The following NUDT7 variants were observed in gnomAD, a reference collection of about 807,000 sequenced individuals.
NUDT7 encodes peroxisomal coenzyme A diphosphatase NUDT7.
A neutral mutation model predicts 13.1 loss-of-function variants in NUDT7; 19 were observed. The observed-to-expected ratio is 1.45, with a 90% CI of 1.01 to 2.13. The LOEUF (loss-of-function observed/expected upper bound fraction) is 2.13, where lower values mean the gene tolerates loss of function less well. NUDT7 is among the 30% of genes most tolerant of loss of function. The pLI is 0.00. For missense variants in NUDT7, 360 were observed against 291.7 expected (o/e 1.23, Z -1.71); for synonymous variants, 132 against 109.7 (o/e 1.20, Z -1.27).
chr16:77,724,208 G>T (rs754923706), intron 1 of NUDT7, among the ~76,000 whole-genome samples: 4 of 152,002 alleles, frequency 2.6e-5, no homozygotes, highest in Non-Finnish European at 4.4e-5. Flanking sequence ...AACCTCTGCC[G>T]CCATCTTCAC....
intron 2 of NUDT7, 170 bp downstream of exon 2, chr16:77,725,754 A>T: frequency 1.6e-6 from 1 of 608,704 alleles, no homozygotes; most frequent in Non-Finnish European, 2.8e-6. Context: ...TTTCTTGGAG[A>T]AGGTTTAACA....
At chr16:77,738,374 C>G (rs1025498617) in intron 3 of NUDT7, among the ~76,000 whole-genome samples, 3 of 152,084 alleles carry the variant, frequency 2.0e-5, no homozygotes, top group African/African-American at 7.2e-5. Context: ...TCTAAAATGG[C>G]GTGATTGAGA....
At chr16:77,738,825 G>A (rs1301113259) in intron 3 of NUDT7, among the ~76,000 whole-genome samples, 1 of 152,172 alleles carries the variant, frequency 6.6e-6, no homozygotes, top group Non-Finnish European at 1.5e-5. Context: ...ACTACTTTTT[G>A]CAAAGGTCTC....
intron 2 of NUDT7, among the ~76,000 whole-genome samples, chr16:77,733,202 C>T (rs1159741937): frequency 6.6e-6 from 1 of 152,314 alleles, no homozygotes; most frequent in Non-Finnish European, 1.5e-5. Flanking sequence ...TCATAGTCCT[C>T]TCAAGCTGCT....
intron 2 of NUDT7, among the ~76,000 whole-genome samples, chr16:77,734,298 C>A (rs937357350): frequency 6.6e-6 from 1 of 152,118 alleles, no homozygotes; most frequent in Non-Finnish European, 1.5e-5. Context: ...GCCTAAGTTC[C>A]TTTGTCTGAA....
chr16:77,735,081 A>G (rs1183742558), intron 2 of NUDT7, among the ~76,000 whole-genome samples: 1 of 152,198 alleles, frequency 6.6e-6, no homozygotes, highest in African/African-American at 2.4e-5. Flanking sequence ...CCCAGAACAT[A>G]ATAAGCAGCC....
intron 3 of NUDT7, among the ~76,000 whole-genome samples, chr16:77,740,770 A>C (rs2014633255): frequency 1.3e-5 from 2 of 148,760 alleles, no homozygotes; most frequent in Non-Finnish European, 1.5e-5. Flanking sequence ...CTGGTCTCAA[A>C]CTCCTGACCT....
intron 2 of NUDT7, among the ~76,000 whole-genome samples, chr16:77,729,532 T>G (rs1053600495): frequency 3.9e-5 from 6 of 152,108 alleles, no homozygotes; most frequent in Non-Finnish European, 8.8e-5. Context: ...CATATTTTCT[T>G]TAAAAAAAAA....
At chr16:77,729,204 T>G (rs1424158869) in intron 2 of NUDT7, among the ~76,000 whole-genome samples, 1 of 152,222 alleles carries the variant, frequency 6.6e-6, no homozygotes, top group Non-Finnish European at 1.5e-5. Context: ...CCTGTTTTCT[T>G]CAAAACAGCG....
chr16:77,738,024 G>C (rs1433035183), intron 3 of NUDT7, among the ~76,000 whole-genome samples: 1 of 152,036 alleles, frequency 6.6e-6, no homozygotes, highest in East Asian at 1.9e-4. Flanking sequence ...AAAAGCTAGT[G>C]GCCACTCAAT....
intron 2 of NUDT7, among the ~76,000 whole-genome samples, chr16:77,734,352 G>A (rs759883968): frequency 2.0e-5 from 3 of 152,124 alleles, no homozygotes; most frequent in African/African-American, 4.8e-5. Context: ...GGCTGGGTGC[G>A]GTGGCTCACG....
intron 2 of NUDT7, among the ~76,000 whole-genome samples, chr16:77,726,872 G>T (rs989728192): frequency 5.3e-5 from 8 of 152,138 alleles, no homozygotes; most frequent in African/African-American, 1.9e-4. Context: ...ATTGAGTCAT[G>T]GTTCTGCAGG....
intron 2 of NUDT7, among the ~76,000 whole-genome samples, chr16:77,731,734 G>C (rs1284869921): frequency 6.6e-6 from 1 of 152,120 alleles, no homozygotes; most frequent in Non-Finnish European, 1.5e-5. Flanking sequence ...AGAGCTCCAT[G>C]TATGTTATTG....
In NUDT7 at chr16:77,742,094, A is replaced by C. The variant is rs2014686897; in HGVS notation, c.*144A>C. ...TAGTTAGAATCCTTGCCTCTTTTCCAGTTGCCTTCTATTGTCTGAAAAAGT... is the reference window on the plus strand; with the variant it reads ...TAGTTAGAATCCTTGCCTCTTTTCCCGTTGCCTTCTATTGTCTGAAAAAGT... On this transcript the variant is annotated 3_prime_UTR_variant, in exon 4 of 4. Coordinates refer to ENST00000268533, the MANE Select transcript of NUDT7 (RefSeq NM_001105663.3). 1 of 1,417,188 alleles carries C rather than the reference A, an allele frequency of 7.1e-7. No individual in the cohort carries two copies. Among genetic ancestry groups the C allele is most frequent in the African/African-American group, 1.4e-5 (1 of 69,740 alleles). 87.8% of individuals were successfully genotyped at this position (1,417,188 alleles called of 1,614,324 possible).
At position 77,725,585 on chromosome 16, in the gene NUDT7, G is replaced by T. The variant is rs926099717; in HGVS notation, c.189+1G>T. The T allele has an allele frequency of 1.9e-6, 3 of 1,613,002 alleles. No homozygotes were observed. In the African/African-American group the frequency reaches 4.0e-5, roughly 22 times the overall value. ...GTTGTTCACCGTCCGGTCAGAGAAGGTAGGTGGACAAAAAATTTCCTGCCC... is the reference window on the plus strand; with the variant it reads ...GTTGTTCACCGTCCGGTCAGAGAAGTTAGGTGGACAAAAAATTTCCTGCCC... On this transcript the variant is annotated splice_donor_variant, in intron 2 of 3. Transcript: ENST00000268533. LOFTEE classifies it high-confidence loss of function.
intron 2 of NUDT7, among the ~76,000 whole-genome samples, chr16:77,734,200 C>A (rs1024738509): frequency 5.3e-5 from 8 of 152,188 alleles, no homozygotes; most frequent in African/African-American, 1.7e-4. Context: ...GTGTGTTGTA[C>A]TGATTAAAAA....
chr16:77,738,422 A>G (rs1486942512), intron 3 of NUDT7, among the ~76,000 whole-genome samples: 1 of 152,202 alleles, frequency 6.6e-6, no homozygotes, highest in Non-Finnish European at 1.5e-5. Context: ...CTTTGTTTGG[A>G]AGTGCAAGGG....
intron 3 of NUDT7, chr16:77,737,321 G>A (rs1449798331): frequency 6.6e-6 from 1 of 152,170 alleles, no homozygotes; most frequent in African/African-American, 2.4e-5. Flanking sequence ...TGACAGTTTG[G>A]AGATGTAGTG....
intron 3 of NUDT7, 131 bp downstream of exon 3, chr16:77,736,117 T>A (rs2014477734): frequency 1.2e-6 from 1 of 843,740 alleles, no homozygotes; most frequent in South Asian, 1.8e-5. Context: ...CAGGTTCTCC[T>A]ACAGACATTG....
Sources: allele counts gnomAD v4.1 joint callset (sites outside exome capture counted in the v4.1 genomes callset), GRCh38; gene constraint gnomAD v4.1.1; transcripts MANE v1.5; gene names NCBI Gene and HGNC (gene_info 2026-07-23, HGNC 2026-07-21).